Variants in GABRB3 observed in about 807,000 individuals in gnomAD.
GABRB3 encodes gamma-aminobutyric acid type A receptor subunit beta3.
A neutral mutation model predicts 52.1 loss-of-function variants in GABRB3; 14 were observed. The ratio of observed to expected loss-of-function variants is 0.27; its 90% CI spans 0.18 to 0.42. The LOEUF is 0.42. GABRB3 is among the 10% of genes least tolerant of loss of function. The pLI is 1.00. For synonymous variants in GABRB3, 260 were observed against 232.3 expected (o/e 1.12, Z -1.08); for missense variants, 307 against 609.1 (o/e 0.50, Z 5.22).
At chr15:26,727,600 C>A (rs1744637445) in intron 3 of GABRB3, among the ~76,000 whole-genome samples, 1 of 152,132 alleles carries the variant, frequency 6.6e-6, no homozygotes, top group Non-Finnish European at 1.5e-5. Flanking sequence ...CTCCTAGAAG[C>A]CCTGATTCAG....
intron 3 of GABRB3, among the ~76,000 whole-genome samples, chr15:26,680,640 T>C (rs559177655): frequency 1.3e-5 from 2 of 152,198 alleles, no homozygotes; most frequent in East Asian, 1.9e-4. Context: ...AAAAGCAAAG[T>C]TGTGGTGGTC....
At chr15:26,597,038 C>G (rs1891418382) in intron 4 of GABRB3, among the ~76,000 whole-genome samples, 1 of 152,190 alleles carries the variant, frequency 6.6e-6, no homozygotes, top group South Asian at 2.1e-4. Flanking sequence ...TATAAAGCCA[C>G]CAGTTCCTCT....
intron 3 of GABRB3, among the ~76,000 whole-genome samples, chr15:26,666,857 C>G (rs1215725563): frequency 6.6e-6 from 1 of 152,178 alleles, no homozygotes; most frequent in Non-Finnish European, 1.5e-5. Context: ...CTTCACGGCC[C>G]AGGAAGCGTT....
At chr15:26,629,202 G>C in intron 3 of GABRB3, 1 of 1,449,104 alleles carries the variant, frequency 6.9e-7, no homozygotes, top group Non-Finnish European at 9.1e-7. Context: ...TTGCGAAGCG[G>C]CGGCAATCAG....
At position 26,547,088 on chromosome 15, in the gene GABRB3, A is replaced by C. The variant is rs1397624624; in HGVS notation, c.*705T>G. 6.4e-6 allele frequency: 1 copy of C among 156,236 alleles called. No homozygotes were observed. The highest frequency in any genetic ancestry group is 1.4e-5 in the Non-Finnish European group (1 of 71,016). 9.7% of individuals were successfully genotyped at this position (156,236 alleles called of 1,614,324 possible). A position where few individuals can be genotyped will look rare whatever the true frequency, so the allele number is the denominator to read the frequency against. The stretch of plus-strand genomic sequence containing the variant: ...TACAACGAGATGCCATTCACTCCCG[A>C]TGAGTTTTCAAAAGACGGTCGTTCA... On this transcript the variant is annotated 3_prime_UTR_variant, in exon 9 of 9. Transcript: ENST00000311550.
intron 3 of GABRB3, among the ~76,000 whole-genome samples, chr15:26,716,084 A>T (rs1250562905): frequency 2.0e-5 from 3 of 152,246 alleles, no homozygotes; most frequent in Non-Finnish European, 4.4e-5. Context: ...CAAGCTATAC[A>T]TGAGCTGATC....
chr15:26,720,904 TA>T (rs200803920), intron 3 of GABRB3, among the ~76,000 whole-genome samples: 3,030 of 152,160 alleles, frequency 0.02, 51 homozygotes, highest in African/African-American at 0.03. Context: ...AGAAAAGTGT[TA>T]AAAAAATGTT....
In GABRB3 at chr15:26,692,328, C is replaced by CAGGAGGA. The variant is rs200072397; in HGVS notation, c.241-70801_241-70795dup. On this transcript the variant is annotated intron_variant, in intron 3 of 8. Transcript: ENST00000311550. The stretch of plus-strand genomic sequence containing the variant: ...AATAAGAGACCAAACAGATTGCATG[C>CAGGAGGA]AGGAGGAAGGTAGTTACAGCTAAAC... Among the ~76,000 whole-genome samples, 1,208 of 152,094 alleles carry CAGGAGGA rather than the reference C, an allele frequency of 7.9e-3. 39 individuals are homozygous for CAGGAGGA. The highest frequency in any genetic ancestry group is 0.054 in the Admixed American group (827 of 15,266).
rs191759306 is a variant in GABRB3, at chr15:26,653,068, C to A, written c.241-31534G>T. 5.0e-3 allele frequency among the ~76,000 whole-genome samples: 757 copies of A among 152,294 alleles called. 7 individuals are homozygous for A. The highest frequency in any genetic ancestry group is 5.9e-3 in the Non-Finnish European group (403 of 68,026). On this transcript the variant is annotated intron_variant, in intron 3 of 8. Transcript: ENST00000311550. Reference sequence around the variant, plus strand: ...ATCTTGCTTCCAACCTCCAACCTGCCTTCTTCATTCCTGGGAGTAGGCAGA... The same window carrying A: ...ATCTTGCTTCCAACCTCCAACCTGCATTCTTCATTCCTGGGAGTAGGCAGA...
chr15:26,560,818 G>A, intron 8 of GABRB3, 114 bp downstream of exon 8: 2 of 1,442,722 alleles, frequency 1.4e-6, no homozygotes, highest in Non-Finnish European at 1.9e-6. Context: ...GTACAAGAAG[G>A]GTGTGTGGCT....
intron 4 of GABRB3, among the ~76,000 whole-genome samples, chr15:26,611,003 A>C (rs977265130): frequency 6.6e-5 from 10 of 152,200 alleles, no homozygotes; most frequent in Admixed American, 6.6e-5. Flanking sequence ...AGGCTTGTTG[A>C]TTTAATGAAA....
At chr15:26,627,842 G>A (rs1230767963) in intron 3 of GABRB3, among the ~76,000 whole-genome samples, 1 of 152,182 alleles carries the variant, frequency 6.6e-6, no homozygotes, top group African/African-American at 2.4e-5. Flanking sequence ...GGGTTTGAGA[G>A]GACTGACTTC....
intron 4 of GABRB3, among the ~76,000 whole-genome samples, chr15:26,592,062 G>T (rs1050877390): frequency 6.6e-6 from 1 of 152,084 alleles, no homozygotes; most frequent in Non-Finnish European, 1.5e-5. Context: ...AATGTAGTTG[G>T]GGGGATATGG....
intron 3 of GABRB3, among the ~76,000 whole-genome samples, chr15:26,747,978 T>G (rs202047132): frequency 0.013 from 861 of 68,752 alleles, 18 homozygotes; most frequent in East Asian, 0.057. Context: ...TTTTTTTTTT[T>G]GCCTACAATT....
intron 3 of GABRB3, among the ~76,000 whole-genome samples, chr15:26,733,281 T>C (rs1889983053): frequency 6.6e-6 from 1 of 151,886 alleles, no homozygotes; most frequent in Non-Finnish European, 1.5e-5. Context: ...CACACACAAA[T>C]TGTTATAGCT....
At chr15:26,704,596 CT>C (rs1195664305) in intron 3 of GABRB3, among the ~76,000 whole-genome samples, 1 of 147,042 alleles carries the variant, frequency 6.8e-6, no homozygotes, top group African/African-American at 2.4e-5. Context: ...ATATTTCTCT[CT>C]TCTCATATTT....
intron 3 of GABRB3, among the ~76,000 whole-genome samples, chr15:26,693,655 A>C (rs896703823): frequency 6.6e-6 from 1 of 152,224 alleles, no homozygotes; most frequent in Non-Finnish European, 1.5e-5. Flanking sequence ...AGATCCATCC[A>C]AAAACTGAAT....
intron 3 of GABRB3, chr15:26,629,124 G>A: frequency 6.5e-7 from 1 of 1,528,146 alleles, no homozygotes; most frequent in Non-Finnish European, 8.8e-7. Context: ...CTTTACAGGA[G>A]AGGCTGAAGC....
intron 3 of GABRB3, among the ~76,000 whole-genome samples, chr15:26,633,914 CCGG>C (rs551345209): frequency 6.6e-6 from 1 of 152,238 alleles, no homozygotes; most frequent in South Asian, 2.1e-4. Context: ...CTCTTGGCCG[CCGG>C]CTAAATAAAC....
Sources: gnomAD v4.1 joint callset for allele counts (sites outside exome capture counted in the v4.1 genomes callset) on GRCh38, gnomAD v4.1.1 for gene constraint, MANE v1.5 for transcripts, NCBI Gene and HGNC (gene_info 2026-07-23, HGNC 2026-07-21) for gene names.